Variants in DOCK2 observed in about 807,000 individuals in gnomAD.
DOCK2 encodes the protein dedicator of cytokinesis protein 2.
In DOCK2, 87 loss-of-function variants were observed where a neutral mutation model predicts 248.9. That is an observed-to-expected ratio of 0.35 (90% CI 0.29 to 0.42). DOCK2 has a LOEUF of 0.42. DOCK2 is among the 10% of genes least tolerant of loss of function. The pLI is 1.00. For synonymous variants in DOCK2, 805 were observed against 821.6 expected (o/e 0.98, Z 0.35); for missense variants, 1,747 against 2,300.2 (o/e 0.76, Z 4.92).
chr5:169,639,563 A>T lies in DOCK2; in HGVS notation c.43+2194A>T, dbSNP rs1379379539. Among the ~76,000 whole-genome samples, 4 of 152,244 alleles carry T rather than the reference A, an allele frequency of 2.6e-5. No individual in the cohort carries two copies. In the South Asian group the frequency reaches 8.3e-4, roughly 31 times the overall value. ...GCATGTGACTTCTGCCTCCTGAGCC[A>T]CATAGGCTGCTTAAGCTTCGGTGAT... On this transcript the variant is annotated intron_variant, in intron 1 of 51. Coordinates refer to ENST00000520908, the MANE Select transcript of DOCK2 (RefSeq NM_004946.3).
At chr5:170,041,221 A>AG in intron 37 of DOCK2, 76 bp downstream of exon 37, 1 of 1,295,182 alleles carries the variant, frequency 7.7e-7, no homozygotes, top group Non-Finnish European at 1.1e-6. Flanking sequence ...GAGTGAAAAA[A>AG]GAAAAAAAAG....
At chr5:169,815,489 C>A (rs1768010112) in intron 26 of DOCK2, among the ~76,000 whole-genome samples, 1 of 152,182 alleles carries the variant, frequency 6.6e-6, no homozygotes, top group African/African-American at 2.4e-5. Context: ...TTCTTCACTG[C>A]CTCTCAGAGC....
At chr5:169,780,994 G>T (rs554060981) in intron 25 of DOCK2, among the ~76,000 whole-genome samples, 1 of 152,304 alleles carries the variant, frequency 6.6e-6, no homozygotes, top group African/African-American at 2.4e-5. Context: ...GTAAGATCAT[G>T]ACTTACCCAC....
chr5:169,765,070 G>GCACACACACACACACA (rs142755026), intron 25 of DOCK2, among the ~76,000 whole-genome samples: 1 of 146,498 alleles, frequency 6.8e-6, no homozygotes, highest in East Asian at 2.0e-4. Context: ...CTCTTTTAGC[G>GCACACACACACACACA]CACACACACA....
At chr5:169,849,545 A>G (rs1770510295) in intron 27 of DOCK2, among the ~76,000 whole-genome samples, 1 of 152,260 alleles carries the variant, frequency 6.6e-6, no homozygotes, top group Non-Finnish European at 1.5e-5. Context: ...CAACTTTCAG[A>G]AACATAAAAT....
At chr5:170,060,981 T>C (rs538309586) in intron 44 of DOCK2, among the ~76,000 whole-genome samples, 1 of 152,052 alleles carries the variant, frequency 6.6e-6, no homozygotes, top group South Asian at 2.1e-4. Flanking sequence ...AGTGAGCCGA[T>C]ATCATGCCAT....
intron 2 of DOCK2, among the ~76,000 whole-genome samples, chr5:169,666,498 C>A (rs1341091382): frequency 6.6e-6 from 1 of 152,166 alleles, no homozygotes; most frequent in East Asian, 1.9e-4. Context: ...TGCCATGTTA[C>A]ACTGAGCCTG....
chr5:170,083,126 G>A lies in DOCK2; in HGVS notation c.*268G>A. On this transcript the variant is annotated 3_prime_UTR_variant, in exon 52 of 52. Transcript: ENST00000520908. ...CAGCAAGAATGCCTTCTCCCAGTGTGCTCTCCCCAACATCCTAGGCACAGC... is the reference window on the plus strand; with the variant it reads ...CAGCAAGAATGCCTTCTCCCAGTGTACTCTCCCCAACATCCTAGGCACAGC... 2.1e-6 allele frequency: 1 copy of A among 468,958 alleles called. No individual in the cohort carries two copies. 29.0% of individuals were successfully genotyped at this position (468,958 alleles called of 1,614,324 possible). A position where few individuals can be genotyped will look rare whatever the true frequency, so the allele number is the denominator to read the frequency against.
chr5:169,781,656 G>A (rs138127377), intron 25 of DOCK2, among the ~76,000 whole-genome samples: 1 of 152,202 alleles, frequency 6.6e-6, no homozygotes, highest in Admixed American at 6.5e-5. Context: ...CCAGATTAGG[G>A]TATTGTCCAC....
chr5:169,728,032 A>G (rs1252610212), intron 22 of DOCK2, among the ~76,000 whole-genome samples: 1 of 152,132 alleles, frequency 6.6e-6, no homozygotes, highest in Non-Finnish European at 1.5e-5. Context: ...GGTACTGGGG[A>G]AGAGGAGAGG....
At position 169,742,507 on chromosome 5, in the gene DOCK2, G is replaced by A. The variant is rs114448962; in HGVS notation, c.2268-4889G>A. ...GCTTCGAAGAGTCAGAGAAGGAATCGGAGGGATGGATGCCTATAAATGTGG... is the reference window on the plus strand; with the variant it reads ...GCTTCGAAGAGTCAGAGAAGGAATCAGAGGGATGGATGCCTATAAATGTGG... On this transcript the variant is annotated intron_variant, in intron 22 of 51. Coordinates refer to ENST00000520908, the MANE Select transcript of DOCK2 (RefSeq NM_004946.3). 5.4e-3 allele frequency among the ~76,000 whole-genome samples: 820 copies of A among 152,286 alleles called. 10 individuals are homozygous for A. The highest frequency in any genetic ancestry group is 0.019 in the African/African-American group (788 of 41,556).
At chr5:170,004,433 G>A (rs1754945444) in intron 30 of DOCK2, among the ~76,000 whole-genome samples, 1 of 152,148 alleles carries the variant, frequency 6.6e-6, no homozygotes, top group South Asian at 2.1e-4. Flanking sequence ...CAGTGATGAT[G>A]AGCATTTTTT....
intron 50 of DOCK2, chr5:170,081,515 G>A (rs1581582217): frequency 7.2e-6 from 2 of 278,258 alleles, no homozygotes; most frequent in East Asian, 1.6e-4. Flanking sequence ...GGTGTTGGGA[G>A]CTGGAGGAAG....
At chr5:169,667,822 A>G (rs1758823785) in intron 2 of DOCK2, among the ~76,000 whole-genome samples, 2 of 152,376 alleles carry the variant, frequency 1.3e-5, no homozygotes, top group South Asian at 4.1e-4. Context: ...AGTATTGTTA[A>G]TTATGGATTA....
chr5:170,082,884 G>C lies in DOCK2; in HGVS notation c.*26G>C. The C allele has an allele frequency of 6.2e-7, 1 of 1,614,132 alleles. No individual in the cohort carries two copies. The highest frequency in any genetic ancestry group is 8.5e-7 in the Non-Finnish European group (1 of 1,180,016). On this transcript the variant is annotated 3_prime_UTR_variant, in exon 52 of 52. Transcript: ENST00000520908. ...GCTGCTGCTGACTAGGGCTGCATGG[G>C]AGAGCCAGGGAGGGGAGTTTCTGGA... is the stretch of plus-strand genomic sequence containing the variant.
chr5:169,805,170 G>C (rs1186292638), intron 26 of DOCK2, among the ~76,000 whole-genome samples: 1 of 150,208 alleles, frequency 6.7e-6, no homozygotes, highest in Non-Finnish European at 1.5e-5. Context: ...CTTGAGGCCA[G>C]GAGTTTGAGA....
chr5:169,995,983 A>T, intron 29 of DOCK2, 103 bp from the exon 30 acceptor site: 1 of 1,246,420 alleles, frequency 8.0e-7, no homozygotes, highest in African/African-American at 1.5e-5. Flanking sequence ...TTGGCCTTTG[A>T]GCCTCTCTCC....
intron 27 of DOCK2, among the ~76,000 whole-genome samples, chr5:169,878,791 C>T (rs1408430925): frequency 6.6e-6 from 1 of 152,166 alleles, no homozygotes; most frequent in Admixed American, 6.5e-5. Flanking sequence ...GCCAAAACAG[C>T]CTGGAATCAG....
chr5:170,080,090 A>G (rs904700092), intron 49 of DOCK2, 73 bp from the exon 50 acceptor site: 16 of 1,591,502 alleles, frequency 1.0e-5, no homozygotes, highest in East Asian at 6.7e-5. Flanking sequence ...CTGATCTTTC[A>G]GAGACCCAGA....
Sources: allele counts gnomAD v4.1 joint callset (sites outside exome capture counted in the v4.1 genomes callset), GRCh38; gene constraint gnomAD v4.1.1; transcripts MANE v1.5; gene names NCBI Gene and HGNC (gene_info 2026-07-23, HGNC 2026-07-21).